MAP4K3: variants seen among roughly 807,000 people sequenced by gnomAD.
MAP4K3 encodes the protein mitogen-activated protein kinase kinase kinase kinase 3.
A neutral mutation model predicts 143.5 loss-of-function variants in MAP4K3; 94 were observed. That is an observed-to-expected ratio of 0.65 (90% CI 0.55 to 0.78). MAP4K3 has a LOEUF of 0.78. Ranked by LOEUF, MAP4K3 falls within the 30% of genes least tolerant of loss-of-function variation. The pLI, the probability that MAP4K3 is intolerant of heterozygous loss-of-function variation, is 0.00. For missense variants in MAP4K3, 1,077 were observed against 1,068.1 expected, an observed-to-expected ratio of 1.01 and a Z score of -0.12; for synonymous variants, 416 against 347.2, an observed-to-expected ratio of 1.20 and a Z score of -2.20.
At chr2:39,351,466 A>T (rs958794497) in intron 3 of MAP4K3, among the ~76,000 whole-genome samples, 4 of 152,226 alleles carry the variant, frequency 2.6e-5, no homozygotes, top group African/African-American at 9.6e-5. Flanking sequence ...TTATTTGCTC[A>T]TGCCTACTTC....
At chr2:39,272,915 G>C (rs1290665472) in intron 24 of MAP4K3, among the ~76,000 whole-genome samples, 1 of 151,868 alleles carries the variant, frequency 6.6e-6, no homozygotes, top group Non-Finnish European at 1.5e-5. Context: ...CAAAATAGAC[G>C]TATCTAGGCA....
At chr2:39,402,645 CAG>C (rs1304816792) in intron 1 of MAP4K3, among the ~76,000 whole-genome samples, 1 of 151,878 alleles carries the variant, frequency 6.6e-6, no homozygotes, top group East Asian at 1.9e-4. Context: ...AAAATAAGAT[CAG>C]AGTGTACCTC....
chr2:39,303,665 A>G (rs1481853825), intron 15 of MAP4K3, among the ~76,000 whole-genome samples: 1 of 152,066 alleles, frequency 6.6e-6, no homozygotes, highest in African/African-American at 2.4e-5. Flanking sequence ...CAGCCTTCCA[A>G]GTAGCTGGGA....
chr2:39,373,369 A>G (rs1306443603), intron 2 of MAP4K3, among the ~76,000 whole-genome samples: 1 of 152,230 alleles, frequency 6.6e-6, no homozygotes, highest in African/African-American at 2.4e-5. Flanking sequence ...ACTATGGAGA[A>G]CAGTTTGGAG....
intron 8 of MAP4K3, among the ~76,000 whole-genome samples, chr2:39,328,148 T>G (rs960845819): frequency 6.6e-6 from 1 of 152,066 alleles, no homozygotes; most frequent in Non-Finnish European, 1.5e-5. Flanking sequence ...CTGGGCAACA[T>G]GGCAAAACCC....
chr2:39,429,033 C>A (rs1203790751), intron 1 of MAP4K3, among the ~76,000 whole-genome samples: 1 of 138,046 alleles, frequency 7.2e-6, no homozygotes, highest in Non-Finnish European at 1.5e-5. Context: ...CCACTGCACT[C>A]CAGCCTGGGC....
chr2:39,324,994 A>C (rs2148514910), intron 12 of MAP4K3, among the ~76,000 whole-genome samples: 1 of 152,150 alleles, frequency 6.6e-6, no homozygotes, highest in Non-Finnish European at 1.5e-5. Flanking sequence ...ATTTTTTTTT[A>C]AAGATAGAAA....
intron 1 of MAP4K3, among the ~76,000 whole-genome samples, chr2:39,406,090 AACAG>A (rs1182630180): frequency 6.6e-6 from 1 of 152,112 alleles, no homozygotes; most frequent in African/African-American, 2.4e-5. Context: ...TGAAAAATGC[AACAG>A]ACATACTGAA....
chr2:39,288,045 C>G, intron 20 of MAP4K3, 76 bp downstream of exon 20: 1 of 1,536,678 alleles, frequency 6.5e-7, no homozygotes, highest in African/African-American at 1.4e-5. Flanking sequence ...TTCAAATAAT[C>G]TCTTAAAAGA....
chr2:39,350,549 T>C (rs974771980), intron 3 of MAP4K3, among the ~76,000 whole-genome samples: 1 of 152,212 alleles, frequency 6.6e-6, no homozygotes, highest in Non-Finnish European at 1.5e-5. Flanking sequence ...AAAAAGATAT[T>C]CATAAATGTA....
intron 7 of MAP4K3, among the ~76,000 whole-genome samples, chr2:39,332,278 T>C (rs1320635335): frequency 6.6e-6 from 1 of 152,032 alleles, no homozygotes; most frequent in Non-Finnish European, 1.5e-5. Flanking sequence ...GCTGAGAGAA[T>C]GTAAATTGCC....
At chr2:39,421,123 A>C (rs1253291957) in intron 1 of MAP4K3, among the ~76,000 whole-genome samples, 1 of 152,230 alleles carries the variant, frequency 6.6e-6, no homozygotes, top group African/African-American at 2.4e-5. Flanking sequence ...AGGACTAAGA[A>C]GTGGTCCCTG....
chr2:39,268,662 C>T (rs1351266043), intron 26 of MAP4K3, among the ~76,000 whole-genome samples: 10 of 15,428 alleles, frequency 6.5e-4, no homozygotes, highest in East Asian at 4.1e-3. Flanking sequence ...TTTTTTGAGA[C>T]GGAGTCTCGC....
intron 1 of MAP4K3, among the ~76,000 whole-genome samples, chr2:39,435,137 A>C (rs1665418547): frequency 6.6e-6 from 1 of 152,168 alleles, no homozygotes; most frequent in South Asian, 2.1e-4. Flanking sequence ...AGTGACTTGC[A>C]TCCATCCACT....
chr2:39,370,133 A>G (rs1666040674), intron 2 of MAP4K3, among the ~76,000 whole-genome samples: 1 of 152,234 alleles, frequency 6.6e-6, no homozygotes, highest in Non-Finnish European at 1.5e-5. Flanking sequence ...CAGATAAACA[A>G]AACAAAAAGT....
chr2:39,318,988 T>G (rs1188251890), intron 12 of MAP4K3, among the ~76,000 whole-genome samples: 1 of 152,122 alleles, frequency 6.6e-6, no homozygotes, highest in African/African-American at 2.4e-5. Context: ...GACATTTTTT[T>G]GTTGTCACAA....
intron 20 of MAP4K3, among the ~76,000 whole-genome samples, chr2:39,287,471 A>ATT (rs1417275485): frequency 4.8e-5 from 7 of 146,962 alleles, no homozygotes; most frequent in African/African-American, 1.0e-4. Flanking sequence ...CTAATTTTGT[A>ATT]TTTTTTTTTT....
chr2:39,304,043 TAC>T (rs1278171263), intron 15 of MAP4K3, among the ~76,000 whole-genome samples: 4 of 152,204 alleles, frequency 2.6e-5, no homozygotes, highest in African/African-American at 9.6e-5. Context: ...TTAATTAACT[TAC>T]AGTGAGTTTT....
At chr2:39,319,619 T>G (rs1390610715) in intron 12 of MAP4K3, among the ~76,000 whole-genome samples, 1 of 152,194 alleles carries the variant, frequency 6.6e-6, no homozygotes, top group East Asian at 1.9e-4. Flanking sequence ...AATATTTATT[T>G]TGTCAAACAT....
Sources: allele counts gnomAD v4.1 joint callset (sites outside exome capture counted in the v4.1 genomes callset), GRCh38; gene constraint gnomAD v4.1.1; transcripts MANE v1.5; gene names NCBI Gene and HGNC (gene_info 2026-07-23, HGNC 2026-07-21).